The following TRPC1 variants were observed in gnomAD, a reference collection of about 807,000 sequenced individuals.
TRPC1 encodes short transient receptor potential channel 1.
TRPC1 carries 42 observed loss-of-function variants against 88.2 expected under a neutral mutation model. The observed-to-expected ratio is 0.48, with a 90% CI of 0.37 to 0.62. TRPC1 has a LOEUF of 0.62. Among genes scored for constraint, TRPC1 ranks in the 20% least tolerant of loss-of-function variants. The pLI is 0.00. For missense variants in TRPC1, 699 were observed against 957.3 expected (o/e 0.73, Z 3.56); for synonymous variants, 288 against 331.8 (o/e 0.87, Z 1.43).
chr3:142,762,560 C>G (rs779305609), intron 4 of TRPC1, among the ~76,000 whole-genome samples: 3 of 151,258 alleles, frequency 2.0e-5, no homozygotes, highest in Non-Finnish European at 2.9e-5. Flanking sequence ...TCCCGAGTAG[C>G]TGGGACTACA....
Position 142,807,289 on chromosome 3 carries a change from G to C in TRPC1, c.*1054G>C. 1 of 152,100 alleles carries C rather than the reference G, an allele frequency of 6.6e-6. No homozygotes were observed. Among genetic ancestry groups the C allele is most frequent in the Non-Finnish European group, 1.5e-5 (1 of 68,014 alleles). The allele number at this position is 152,100 out of a possible 1,614,324, so 9.4% of individuals were successfully genotyped here. ...AATTTAACACAGCTTCTATAAAAGT[G>C]ACTTCATGCTTACTTGTGGATCATT... On this transcript the variant is annotated 3_prime_UTR_variant, in exon 13 of 13. Coordinates refer to ENST00000476941, the MANE Select transcript of TRPC1 (RefSeq NM_001251845.2).
chr3:142,803,066 C>T (rs1475551111), intron 10 of TRPC1, among the ~76,000 whole-genome samples: 5 of 152,084 alleles, frequency 3.3e-5, no homozygotes, highest in African/African-American at 9.7e-5. Context: ...CCTGATGAAG[C>T]TTACATTCTA....
At chr3:142,741,347 A>C (rs930809865) in intron 2 of TRPC1, among the ~76,000 whole-genome samples, 1 of 152,040 alleles carries the variant, frequency 6.6e-6, no homozygotes, top group African/African-American at 2.4e-5. Context: ...TATCCTTTTA[A>C]GCATTGAAAG....
intron 3 of TRPC1, among the ~76,000 whole-genome samples, chr3:142,746,770 A>T (rs956398697): frequency 1.3e-5 from 2 of 151,888 alleles, no homozygotes; most frequent in Non-Finnish European, 2.9e-5. Context: ...GAGCTTCAAA[A>T]CTGTTCATGG....
chr3:142,754,085 G>C (rs1339010509), intron 4 of TRPC1, among the ~76,000 whole-genome samples: 2 of 84,554 alleles, frequency 2.4e-5, no homozygotes, highest in African/African-American at 1.3e-4. Flanking sequence ...GCGAGACTCC[G>C]TCTCAAAAAA....
chr3:142,802,369 T>A, intron 10 of TRPC1, 25 bp downstream of exon 10: 1 of 1,346,366 alleles, frequency 7.4e-7, no homozygotes, highest in Non-Finnish European at 9.6e-7. Context: ...AATGTTTTAG[T>A]AAATATATTT....
At chr3:142,787,304 T>G (rs1224216024) in intron 7 of TRPC1, among the ~76,000 whole-genome samples, 2 of 152,174 alleles carry the variant, frequency 1.3e-5, no homozygotes, top group African/African-American at 4.8e-5. Flanking sequence ...CCAAACCGGC[T>G]CTAAGTGAGC....
intron 2 of TRPC1, among the ~76,000 whole-genome samples, chr3:142,740,168 T>A (rs1934295443): frequency 6.6e-6 from 1 of 152,216 alleles, no homozygotes; most frequent in African/African-American, 2.4e-5. Context: ...GCCAAAAAGG[T>A]TGGAGACCGC....
chr3:142,727,831 T>C (rs1030104520), intron 1 of TRPC1, among the ~76,000 whole-genome samples: 4 of 152,208 alleles, frequency 2.6e-5, no homozygotes, highest in African/African-American at 9.6e-5. Context: ...CAGCCATGGC[T>C]TTGTCCTCTC....
intron 2 of TRPC1, among the ~76,000 whole-genome samples, chr3:142,742,251 A>G (rs917670397): frequency 6.6e-6 from 1 of 152,180 alleles, no homozygotes; most frequent in Non-Finnish European, 1.5e-5. Context: ...AACTGATTAA[A>G]TATGCTAAAA....
chr3:142,725,454 A>G (rs1451441693), intron 1 of TRPC1, among the ~76,000 whole-genome samples: 1 of 152,198 alleles, frequency 6.6e-6, no homozygotes, highest in Non-Finnish European at 1.5e-5. Flanking sequence ...AAAAATAATT[A>G]CAGGAATTAC....
At chr3:142,731,644 A>C (rs1933920511) in intron 1 of TRPC1, among the ~76,000 whole-genome samples, 1 of 151,838 alleles carries the variant, frequency 6.6e-6, no homozygotes, top group Admixed American at 6.6e-5. Context: ...TCAGCCTCCC[A>C]AAGTGCTGGG....
intron 11 of TRPC1, 103 bp downstream of exon 11, chr3:142,804,281 T>C (rs1578016662): frequency 8.3e-7 from 1 of 1,198,164 alleles, no homozygotes; most frequent in African/African-American, 1.5e-5. Context: ...AATTGAAAAA[T>C]AGTATTTTTA....
intron 4 of TRPC1, among the ~76,000 whole-genome samples, chr3:142,762,481 G>C (rs1056897110): frequency 1.4e-5 from 2 of 142,044 alleles, no homozygotes; most frequent in African/African-American, 5.3e-5. Flanking sequence ...CCAGGCTGGA[G>C]TGCAATGGCG....
chr3:142,774,848 C>T (rs762435198), intron 4 of TRPC1, among the ~76,000 whole-genome samples: 3 of 152,058 alleles, frequency 2.0e-5, no homozygotes, highest in Admixed American at 6.5e-5. Context: ...AAATGCTTTC[C>T]ACACAATGGT....
At chr3:142,740,801 G>A (rs780410929) in intron 2 of TRPC1, among the ~76,000 whole-genome samples, 4 of 152,292 alleles carry the variant, frequency 2.6e-5, no homozygotes, top group Non-Finnish European at 5.9e-5. Flanking sequence ...AGAAGAAAAC[G>A]AGTGGTAAGA....
chr3:142,786,173 C>T (rs1359813197), intron 7 of TRPC1, among the ~76,000 whole-genome samples: 1 of 152,050 alleles, frequency 6.6e-6, no homozygotes, highest in Non-Finnish European at 1.5e-5. Flanking sequence ...CTCAGCACTT[C>T]CCATCTGTCC....
intron 8 of TRPC1, among the ~76,000 whole-genome samples, chr3:142,791,646 G>A (rs950868776): frequency 5.3e-5 from 8 of 151,930 alleles, no homozygotes; most frequent in African/African-American, 1.5e-4. Context: ...TGAGAACAAA[G>A]TAACTTAAAA....
At chr3:142,802,655 G>T (rs1410331750) in intron 10 of TRPC1, among the ~76,000 whole-genome samples, 1 of 152,004 alleles carries the variant, frequency 6.6e-6, no homozygotes, top group Admixed American at 6.6e-5. Flanking sequence ...ATTGCAAGAT[G>T]TTCAGCATCT....
Sources: allele counts gnomAD v4.1 joint callset (sites outside exome capture counted in the v4.1 genomes callset), GRCh38; gene constraint gnomAD v4.1.1; transcripts MANE v1.5; gene names NCBI Gene and HGNC (gene_info 2026-07-23, HGNC 2026-07-21).